Variants in PZP observed in about 807,000 individuals in gnomAD.
PZP encodes the protein pregnancy zone protein.
In PZP, 150 loss-of-function variants were observed where a neutral mutation model predicts 179.8. The ratio of observed to expected loss-of-function variants is 0.83; its 90% CI spans 0.73 to 0.96. The LOEUF is 0.96. PZP is among the 40% of genes least tolerant of loss of function. The probability of loss-of-function intolerance (pLI) is 0.00; values close to 1 mark genes in which losing one functional copy is unlikely to be tolerated. For synonymous variants in PZP, 624 were observed against 652.3 expected, an observed-to-expected ratio of 0.96 and a Z score of 0.66; for missense variants, 1,689 against 1,764.0, an observed-to-expected ratio of 0.96 and a Z score of 0.76.
chr12:9,149,007 GA>G lies in PZP; in HGVS notation c.4427-14del. 6.2e-7 allele frequency: 1 copy of G among 1,609,892 alleles called. No homozygotes were observed. On this transcript the variant is annotated splice_polypyrimidine_tract_variant and intron_variant, in intron 35 of 35. Coordinates refer to ENST00000261336, the MANE Select transcript of PZP (RefSeq NM_002864.3). Reference sequence around the variant, plus strand: ...CCATGCTCTGTATCTATGGAGAAAAGAAAAACGTAAGGAGGTTGTATCATTT... The same window carrying G: ...CCATGCTCTGTATCTATGGAGAAAAGAAAACGTAAGGAGGTTGTATCATTT...
rs199624463 is a variant in PZP, at chr12:9,161,020, G to C, written c.2872+13C>G. 58 of 1,550,800 alleles carry C rather than the reference G, an allele frequency of 3.7e-5. No individual in the cohort carries two copies. In the East Asian group the frequency reaches 1.2e-3, roughly 32 times the overall value. On this transcript the variant is annotated intron_variant, in intron 23 of 35. Transcript: ENST00000261336. ...TCTTTTGGCCCAGGTTTACTAAATG[G>C]AAGGTGACTCACCCAGAACTGAGAA...
intron 25 of PZP, among the ~76,000 whole-genome samples, chr12:9,159,726 A>G (rs1310300727): frequency 6.6e-6 from 1 of 151,690 alleles, no homozygotes; most frequent in Admixed American, 6.6e-5. Context: ...GACTCCTCAG[A>G]GTCCACACCA....
At chr12:9,200,233 T>TA in intron 7 of PZP, 131 bp downstream of exon 7, 1 of 533,256 alleles carries the variant, frequency 1.9e-6, no homozygotes, top group South Asian at 3.6e-5. Context: ...AGTAAGTCGT[T>TA]AAATAAAGAG....
At chr12:9,137,509 G>A in the PZP span, among the ~76,000 whole-genome samples, 51,174 of 151,780 alleles carry the variant, frequency 0.34, 10,243 homozygotes, top group Non-Finnish European at 0.44. Context: ...GTTATTTGTG[G>A]TGTTTTCTCA....
At chr12:9,173,759 C>T (rs926815714) in intron 15 of PZP, among the ~76,000 whole-genome samples, 5 of 151,948 alleles carry the variant, frequency 3.3e-5, no homozygotes, top group African/African-American at 1.2e-4. Flanking sequence ...ACACATACAC[C>T]CTCCCAAGAC....
chr12:9,148,828 T>C (rs754949129), downstream of PZP: 6 of 661,084 alleles, frequency 9.1e-6, no homozygotes, highest in South Asian at 8.1e-5. Context: ...GAATGAATGA[T>C]GCAACAAGTG....
chr12:9,148,568 C>T (rs1175959527), downstream of PZP, among the ~76,000 whole-genome samples: 1 of 152,112 alleles, frequency 6.6e-6, no homozygotes, highest in Non-Finnish European at 1.5e-5. Flanking sequence ...TCTCAAACAT[C>T]TCTTCTGATG....
intron 7 of PZP, among the ~76,000 whole-genome samples, chr12:9,198,711 T>C (rs964906435): frequency 6.6e-6 from 1 of 152,188 alleles, no homozygotes; most frequent in Admixed American, 6.5e-5. Context: ...GTTTTGGACA[T>C]TGGTTTTCTT....
downstream of PZP, among the ~76,000 whole-genome samples, chr12:9,144,165 AAGAGAGAGAG>A (rs375691030): frequency 3.1e-4 from 47 of 149,554 alleles, no homozygotes; most frequent in Middle Eastern, 3.5e-3. Flanking sequence ...CCACATGAGG[AAGAGAGAGAG>A]AGAGAGAGAG....
rs569588974 is a variant in PZP, at chr12:9,169,507, G to A, written c.1924C>T (p.Arg642Cys). The A allele has an allele frequency of 9.3e-6, 15 of 1,611,942 alleles. No individual in the cohort carries two copies. Among genetic ancestry groups the A allele is most frequent in the East Asian group, 4.5e-5 (2 of 44,800 alleles). ...QQEEEQGHCPRPFFIHNGAIY... is the reference protein window; with the variant it reads ...QQEEEQGHCPCPFFIHNGAIY... ...GCTCCATTATGAATGAAGAAAGGAC[G>A]GGGACAGTGTCCTTGTTCTTCCTCC... The change falls in exon 16 of 36, where the codon CGT becomes TGT. Residue 642 changes from arginine (R) to cysteine (C), a missense_variant. Arg to Cys is a radical substitution (Grantham distance 180, BLOSUM62 -3). This residue lies in a region of PZP where 201 missense variants were observed against 284.2 expected (regional missense o/e 0.71). Coordinates refer to ENST00000261336, the MANE Select transcript of PZP (RefSeq NM_002864.3).
At chr12:9,188,417 T>C (rs1286502850) in intron 13 of PZP, among the ~76,000 whole-genome samples, 5 of 152,160 alleles carry the variant, frequency 3.3e-5, no homozygotes, top group African/African-American at 1.2e-4. Context: ...GCCAACATCA[T>C]ACTGAATGGG....
At chr12:9,194,715 C>T (rs1592548078) in intron 10 of PZP, among the ~76,000 whole-genome samples, 1 of 152,128 alleles carries the variant, frequency 6.6e-6, no homozygotes, top group East Asian at 1.9e-4. Flanking sequence ...CTGCCCGCCT[C>T]GGCCTCCGAA....
At chr12:9,202,729 T>C in intron 2 of PZP, 45 bp from the exon 3 acceptor site, 1 of 1,559,802 alleles carries the variant, frequency 6.4e-7, no homozygotes, top group Non-Finnish European at 8.8e-7. Flanking sequence ...TGTGCAGTCT[T>C]CTCCCTCTGC....
At chr12:9,157,050 T>C (rs1168414154) in intron 28 of PZP, 125 bp downstream of exon 28, 2 of 818,954 alleles carry the variant, frequency 2.4e-6, no homozygotes, top group Admixed American at 5.6e-5. Flanking sequence ...AGGTCCCCCA[T>C]GCATTAGCTA....
chr12:9,157,725 T>G, intron 27 of PZP, 42 bp downstream of exon 27: 2 of 1,565,676 alleles, frequency 1.3e-6, no homozygotes, highest in Non-Finnish European at 8.8e-7. Context: ...ACAGCAAATC[T>G]ACAGTTTTCA....
At chr12:9,180,136 T>C (rs1942659540) in intron 15 of PZP, among the ~76,000 whole-genome samples, 1 of 152,170 alleles carries the variant, frequency 6.6e-6, no homozygotes, top group Non-Finnish European at 1.5e-5. Context: ...ATTTATTTAT[T>C]TATTTATTTT....
At chr12:9,166,235 A>G (rs774761292) in intron 17 of PZP, 33 bp from the exon 18 acceptor site, 1 of 1,602,642 alleles carries the variant, frequency 6.2e-7, no homozygotes, top group Non-Finnish European at 8.5e-7. Flanking sequence ...AGTTAGGGAA[A>G]AACATTCATT....
intron 14 of PZP, among the ~76,000 whole-genome samples, chr12:9,181,742 G>T (rs1441638074): frequency 1.3e-5 from 2 of 152,138 alleles, no homozygotes; most frequent in Non-Finnish European, 2.9e-5. Flanking sequence ...AACTGAATCA[G>T]CAGAGAAGAG....
At chr12:9,162,264 C>A (rs1381397810) in intron 22 of PZP, 11 of 212,824 alleles carry the variant, frequency 5.2e-5, no homozygotes, top group Non-Finnish European at 7.4e-5. Context: ...ACCCGGCTAA[C>A]CCTGCTCTCT....
Sources: allele counts gnomAD v4.1 joint callset (sites outside exome capture counted in the v4.1 genomes callset), GRCh38; gene constraint gnomAD v4.1.1; regional missense constraint gnomAD v4.1.1; transcripts MANE v1.5; gene names NCBI Gene and HGNC (gene_info 2026-07-23, HGNC 2026-07-21).